The following SETBP1 variants were observed in gnomAD, a reference collection of about 807,000 sequenced individuals.
SETBP1 encodes the protein SET-binding protein.
In SETBP1, 9 loss-of-function variants were observed where a neutral mutation model predicts 101.0. The ratio of observed to expected loss-of-function variants is 0.09; its 90% CI spans 0.05 to 0.16. The LOEUF (loss-of-function observed/expected upper bound fraction) is 0.16, where lower values mean the gene tolerates loss of function less well. Ranked by LOEUF, SETBP1 falls within the 10% of genes least tolerant of loss-of-function variation. The probability of loss-of-function intolerance (pLI) is 1.00; values close to 1 mark genes in which losing one functional copy is unlikely to be tolerated. For missense variants in SETBP1, 1,858 were observed against 2,033.8 expected (o/e 0.91, Z 1.66); for synonymous variants, 818 against 788.5 (o/e 1.04, Z -0.63).
chr18:44,695,305 G>A (rs922917746), intron 1 of SETBP1, among the ~76,000 whole-genome samples: 1 of 152,142 alleles, frequency 6.6e-6, no homozygotes, highest in Non-Finnish European at 1.5e-5. Flanking sequence ...GAAAGAACCT[G>A]CATCTACAGA....
In SETBP1 at chr18:44,953,009, G is replaced by A; in HGVS notation, c.3669G>A (p.Lys1223=). Residue 1223 remains lysine (K), a synonymous_variant, in exon 4 of 6, where the codon AAG becomes AAA. Coordinates refer to ENST00000649279, the MANE Select transcript of SETBP1 (RefSeq NM_015559.3). ...GCGAAGCCGGCCACAAAGCTTCTAAGAACAACTTTGAGGTGGACACCCTGT... is the reference window on the plus strand; with the variant it reads ...GCGAAGCCGGCCACAAAGCTTCTAAAAACAACTTTGAGGTGGACACCCTGT... The part of the protein sequence containing the change: ...QHSEAGHKAS[K]NNFEVDTLST... 2 of 1,614,134 alleles carry A rather than the reference G, an allele frequency of 1.2e-6. No individual in the cohort carries two copies. Among genetic ancestry groups the A allele is most frequent in the Non-Finnish European group, 8.5e-7 (1 of 1,180,022 alleles).
In SETBP1 at chr18:44,925,705, C is replaced by T. The variant is rs182046579; in HGVS notation, c.541-24176C>T. 2.9e-3 allele frequency among the ~76,000 whole-genome samples: 440 copies of T among 152,278 alleles called. 5 individuals carry two copies. Among genetic ancestry groups the T allele is most frequent in the African/African-American group, 0.01 (421 of 41,560 alleles). On this transcript the variant is annotated intron_variant, in intron 3 of 5. Transcript: ENST00000649279. ...AGTACATTCAGCATTCTTGCCTTTC[C>T]CAAATCATTAGAAGAGTTCTCTCAA...
chr18:44,952,170 A>G lies in SETBP1; in HGVS notation c.2830A>G (p.Ser944Gly). The G allele has an allele frequency of 6.2e-7, 1 of 1,614,190 alleles. No individual in the cohort carries two copies. The highest frequency in any genetic ancestry group is 8.5e-7 in the Non-Finnish European group (1 of 1,180,048). ...GCCAAAGCACAAGAGGAAACGGAAA[A>G]GCCTGCAAAACCGCGATGACCTCCA... Reference protein sequence around the residue: ...KKPKHKRKRKSLQNRDDLQFL... With the variant: ...KKPKHKRKRKGLQNRDDLQFL... The change falls in exon 4 of 6, where the codon AGC becomes GGC. Residue 944 changes from serine (S) to glycine (G), a missense_variant. By Grantham distance (56) the Ser-to-Gly change is moderately conservative. This residue lies in a region of SETBP1 where 255 missense variants were observed against 300.1 expected (regional missense o/e 0.85). Coordinates refer to ENST00000649279, the MANE Select transcript of SETBP1 (RefSeq NM_015559.3).
At chr18:44,819,728 C>T (rs77537033) in intron 2 of SETBP1, among the ~76,000 whole-genome samples, 8,850 of 152,234 alleles carry the variant, frequency 0.058, 349 homozygotes, top group East Asian at 0.13. Flanking sequence ...GCTTGACTAT[C>T]TTGGTCTGCT....
intron 4 of SETBP1, among the ~76,000 whole-genome samples, chr18:45,028,689 T>G (rs2145449592): frequency 6.6e-6 from 1 of 152,334 alleles, no homozygotes; most frequent in East Asian, 1.9e-4. Context: ...CCTGACTTTT[T>G]AATGATTGCC....
chr18:44,712,916 T>A (rs2069375168), intron 2 of SETBP1, among the ~76,000 whole-genome samples: 1 of 151,614 alleles, frequency 6.6e-6, no homozygotes, highest in African/African-American at 2.4e-5. Flanking sequence ...TGCTAGAAAT[T>A]AGAAGAGCCT....
intron 3 of SETBP1, among the ~76,000 whole-genome samples, chr18:44,884,447 C>A (rs550931860): frequency 1.4e-4 from 21 of 152,302 alleles, no homozygotes; most frequent in Non-Finnish European, 2.8e-4. Context: ...CTTCCCAAGG[C>A]TTTTGCCACT....
rs543866293 is a variant in SETBP1, at chr18:44,876,522, T to G, written c.540+7239T>G. 133 of 1,429,034 alleles carry G rather than the reference T, an allele frequency of 9.3e-5. No homozygotes were observed. In the South Asian group the frequency reaches 1.5e-3, roughly 16 times the overall value. 88.5% of individuals were successfully genotyped at this position (1,429,034 alleles called of 1,614,324 possible). ...GGGTGGGGTCTGGATATTGGTATTT[T>G]CAGAAGCTCTCCAAAATCTAAGTCA... On this transcript the variant is annotated intron_variant, in intron 3 of 5. Transcript: ENST00000649279.
intron 3 of SETBP1, among the ~76,000 whole-genome samples, chr18:44,882,320 A>G (rs2069547731): frequency 6.6e-6 from 1 of 152,194 alleles, no homozygotes; most frequent in East Asian, 1.9e-4. Context: ...GGTGCTAATC[A>G]TGAGCACTTT....
rs574676480 is a variant in SETBP1 at position 44,759,940 on chromosome 18, T to G, written c.486+58108T>G. On this transcript the variant is annotated intron_variant, in intron 2 of 5. Transcript: ENST00000649279. ...AAATCAAGAGGTGATTTTTAGGTAT[T>G]TCTTTCAAGCTCCCCAGGTGATTTG... Among the ~76,000 whole-genome samples the G allele has an allele frequency of 4.6e-5, 7 of 152,336 alleles. No individual in the cohort carries two copies. In the South Asian group the frequency reaches 6.2e-4, roughly 14 times the overall value.
In SETBP1 at chr18:45,047,180, G is replaced by T. The variant is rs536445219; in HGVS notation, c.4171+8525G>T. Among the ~76,000 whole-genome samples, 8 of 152,288 alleles carry T rather than the reference G, an allele frequency of 5.3e-5. No homozygotes were observed. In the East Asian group the frequency reaches 9.6e-4, roughly 18 times the overall value. ...ACACCTCCATTGAAGCCCAGTGGGA[G>T]GTTTGGCTGTGAGGCATCAGACGCC... On this transcript the variant is annotated intron_variant, in intron 5 of 5. Coordinates refer to ENST00000649279, the MANE Select transcript of SETBP1 (RefSeq NM_015559.3).
intron 4 of SETBP1, among the ~76,000 whole-genome samples, chr18:45,022,882 C>G (rs889807115): frequency 2.0e-5 from 3 of 152,156 alleles, no homozygotes; most frequent in Admixed American, 6.5e-5. Flanking sequence ...TTGCCTCTGG[C>G]ACTTTGAAGA....
intron 1 of SETBP1, among the ~76,000 whole-genome samples, chr18:44,699,142 A>G (rs1416247532): frequency 6.6e-6 from 1 of 152,186 alleles, no homozygotes; most frequent in Non-Finnish European, 1.5e-5. Context: ...ATTTGTATGT[A>G]TATGCTTTGT....
At chr18:44,869,098 A>G in intron 2 of SETBP1, 132 bp from the exon 3 acceptor site, 1 of 792,788 alleles carries the variant, frequency 1.3e-6, no homozygotes, top group Admixed American at 1.9e-5. Flanking sequence ...GAAATCTCAC[A>G]TTTGCCTTCT....
chr18:44,744,111 A>G (rs2070164065), intron 2 of SETBP1, among the ~76,000 whole-genome samples: 1 of 152,172 alleles, frequency 6.6e-6, no homozygotes, highest in African/African-American at 2.4e-5. Context: ...TTGCTGGCGA[A>G]CCCCCACTCT....
chr18:44,773,474 G>T (rs1471856116), intron 2 of SETBP1, among the ~76,000 whole-genome samples: 1 of 152,112 alleles, frequency 6.6e-6, no homozygotes, highest in African/African-American at 2.4e-5. Flanking sequence ...AGAACTGTGG[G>T]GTCTGCTGGG....
At chr18:45,024,481 A>G (rs1299338284) in intron 4 of SETBP1, among the ~76,000 whole-genome samples, 2 of 152,142 alleles carry the variant, frequency 1.3e-5, no homozygotes, top group Non-Finnish European at 2.9e-5. Flanking sequence ...CCCCAATGAC[A>G]GTTTCCTTTC....
At chr18:44,840,469 G>A (rs1195207776) in intron 2 of SETBP1, among the ~76,000 whole-genome samples, 11 of 152,218 alleles carry the variant, frequency 7.2e-5, no homozygotes, top group Non-Finnish European at 1.0e-4. Context: ...TAAGGGAATT[G>A]ATCAATTGCC....
chr18:44,697,748 A>T (rs1233402930), intron 1 of SETBP1, among the ~76,000 whole-genome samples: 2 of 152,254 alleles, frequency 1.3e-5, no homozygotes, highest in Non-Finnish European at 2.9e-5. Context: ...AGCTGGGTGC[A>T]ATGTCAGTCC....
Sources: gnomAD v4.1 joint callset for allele counts (sites outside exome capture counted in the v4.1 genomes callset) on GRCh38, gnomAD v4.1.1 for gene constraint, gnomAD v4.1.1 regional missense constraint, MANE v1.5 for transcripts, NCBI Gene and HGNC (gene_info 2026-07-23, HGNC 2026-07-21) for gene names.